The following SPIB variants were observed in gnomAD, a reference collection of about 807,000 sequenced individuals.
SPIB encodes the protein transcription factor Spi-B.
In SPIB, 7 loss-of-function variants were observed where a neutral mutation model predicts 31.9. The ratio of observed to expected loss-of-function variants is 0.22; its 90% confidence interval spans 0.12 to 0.41. The LOEUF (loss-of-function observed/expected upper bound fraction) is 0.41. Ranked by LOEUF, SPIB falls within the 10% of genes least tolerant of loss-of-function variation. SPIB has a pLI of 1.00. For synonymous variants in SPIB, 176 were observed against 158.9 expected, an observed-to-expected ratio of 1.11 and a Z score of -0.81; for missense variants, 327 against 360.2, an observed-to-expected ratio of 0.91 and a Z score of 0.75.
rs1212424975 is a variant in SPIB, at chr19:50,428,021, C to G, written c.491-17C>G. 6.7e-7 allele frequency: 1 copy of G among 1,494,426 alleles called. No individual in the cohort carries two copies. The highest frequency in any genetic ancestry group is 2.2e-5 in the Admixed American group (1 of 45,484). The allele number at this position is 1,494,426 out of a possible 1,614,324, so 92.6% of individuals were successfully genotyped here. Reference sequence around the variant, plus strand: ...TAGGGACCCCTCACCTAACGCGTGCCCCCGACCCCACCGCAGGGACTCGCA... The same window carrying G: ...TAGGGACCCCTCACCTAACGCGTGCGCCCGACCCCACCGCAGGGACTCGCA... On this transcript the variant is annotated splice_polypyrimidine_tract_variant and intron_variant, in intron 5 of 5. Transcript: ENST00000595883. The surrounding 1 kb of genome is among the most constrained non-coding windows in gnomAD (Gnocchi z 6.5).
intron 5 of SPIB, among the ~76,000 whole-genome samples, chr19:50,425,483 C>G (rs912225278): frequency 6.6e-6 from 1 of 152,348 alleles, no homozygotes; most frequent in South Asian, 2.1e-4. Context: ...ATCTGTCACC[C>G]AGGCTGAAGC....
chr19:50,420,528 A>G (rs934297390), intron 2 of SPIB, among the ~76,000 whole-genome samples: 1 of 152,242 alleles, frequency 6.6e-6, no homozygotes, highest in Non-Finnish European at 1.5e-5. Context: ...CAAGATACCG[A>G]ACATTTCAAT....
intron 2 of SPIB, among the ~76,000 whole-genome samples, chr19:50,420,917 C>T (rs1041062595): frequency 1.2e-4 from 19 of 152,224 alleles, no homozygotes; most frequent in Non-Finnish European, 2.8e-4. Flanking sequence ...CGTGAGCCAC[C>T]GCACCCAGCT....
intron 5 of SPIB, among the ~76,000 whole-genome samples, chr19:50,427,579 G>A (rs1601269490): frequency 6.6e-6 from 1 of 152,178 alleles, no homozygotes; most frequent in South Asian, 2.1e-4. Context: ...CCTCTCCCGG[G>A]ACCCTGTCCC....
chr19:50,424,361 C>T (rs973358320), intron 5 of SPIB, among the ~76,000 whole-genome samples: 8 of 152,208 alleles, frequency 5.3e-5, no homozygotes, highest in Admixed American at 5.2e-4. Flanking sequence ...AAAATCAACA[C>T]ACAGGCTGGG....
intron 3 of SPIB, 70 bp downstream of exon 3, chr19:50,422,615 G>A: frequency 6.5e-7 from 1 of 1,536,190 alleles, no homozygotes; most frequent in Non-Finnish European, 8.9e-7. Flanking sequence ...CTGAGGCCCA[G>A]GGGAGGTCAT....
chr19:50,427,396 A>T (rs2039578057), intron 5 of SPIB, among the ~76,000 whole-genome samples: 1 of 152,188 alleles, frequency 6.6e-6, no homozygotes, highest in South Asian at 2.1e-4. Flanking sequence ...ATGGTGGCAG[A>T]CGTCTGTAGT....
chr19:50,422,083 T>C (rs2039502679), intron 2 of SPIB, among the ~76,000 whole-genome samples: 3 of 152,172 alleles, frequency 2.0e-5, no homozygotes. Flanking sequence ...GACCCCTGCC[T>C]CTGTTAAGTG....
intron 5 of SPIB, among the ~76,000 whole-genome samples, chr19:50,424,919 A>G (rs564815104): frequency 7.2e-5 from 11 of 151,892 alleles, no homozygotes; most frequent in Non-Finnish European, 1.6e-4. Context: ...AGATTGCACC[A>G]CTGGACTCCA....
intron 5 of SPIB, among the ~76,000 whole-genome samples, chr19:50,425,284 C>T (rs935216385): frequency 6.6e-6 from 1 of 152,114 alleles, no homozygotes; most frequent in African/African-American, 2.4e-5. Flanking sequence ...GGATTACAGG[C>T]GTGAGCCACT....
At chr19:50,424,067 TCAC>T (rs2039535544) in intron 5 of SPIB, among the ~76,000 whole-genome samples, 1 of 152,090 alleles carries the variant, frequency 6.6e-6, no homozygotes, top group Non-Finnish European at 1.5e-5. Context: ...GTCAACCTCT[TCAC>T]CATCATTCCC....
At chr19:50,423,507 G>C (rs2039526168) in intron 4 of SPIB, 98 bp from the exon 5 acceptor site, 4 of 1,499,238 alleles carry the variant, frequency 2.7e-6, no homozygotes, top group Middle Eastern at 1.8e-4. Context: ...AACAAAGAGG[G>C]AGACCAGAGC....
chr19:50,420,768 C>G (rs1242022802), intron 2 of SPIB, among the ~76,000 whole-genome samples: 1 of 152,194 alleles, frequency 6.6e-6, no homozygotes, highest in African/African-American at 2.4e-5. Flanking sequence ...GCTGGGATTA[C>G]AGGCATGTGC....
chr19:50,427,501 G>T (rs2039579503), intron 5 of SPIB, among the ~76,000 whole-genome samples: 1 of 152,208 alleles, frequency 6.6e-6, no homozygotes, highest in East Asian at 1.9e-4. Flanking sequence ...CTCCAGCCTG[G>T]GCCGCAGAGC....
rs915262433 is a variant in SPIB, at chr19:50,419,852, C to T, written c.24-94C>T. 3 of 1,354,790 alleles carry T rather than the reference C, an allele frequency of 2.2e-6. No individual in the cohort carries two copies. In the African/African-American group the frequency reaches 4.6e-5, roughly 21 times the overall value. 83.9% of individuals were successfully genotyped at this position (1,354,790 alleles called of 1,614,324 possible). A position where few individuals can be genotyped will look rare whatever the true frequency, so the allele number is the denominator to read the frequency against. On this transcript the variant is annotated intron_variant, in intron 1 of 5. Coordinates refer to ENST00000595883, the MANE Select transcript of SPIB (RefSeq NM_003121.5). ...CCCTCACACAGGGCTGCGGTGGTCA[C>T]AGCTGCTGCCGCCTCCCCATCAGCC...
At chr19:50,424,809 A>C (rs2039545178) in intron 5 of SPIB, among the ~76,000 whole-genome samples, 1 of 149,878 alleles carries the variant, frequency 6.7e-6, no homozygotes, top group Non-Finnish European at 1.5e-5. Context: ...AGAAAAAAAA[A>C]TTAATGGGGC....
chr19:50,422,965 C>G lies in SPIB; in HGVS notation c.267C>G (p.Leu89=). ...CCACCTACAGCCCTGCAGGGAACCT[C>G]GAACTGGCCCCCAGCCTGGAGGCCC... ...EPPTYSPAGN[L]ELAPSLEAPG... Residue 89 remains leucine, a synonymous_variant, in exon 4 of 6, where the codon CTC becomes CTG. Transcript: ENST00000595883. 2 of 1,585,228 alleles carry G rather than the reference C, an allele frequency of 1.3e-6. No homozygotes were observed. The highest frequency in any genetic ancestry group is 1.7e-4 in the Middle Eastern group (1 of 5,816).
At chr19:50,419,657 T>C (rs2039463114) in intron 1 of SPIB, among the ~76,000 whole-genome samples, 1 of 152,024 alleles carries the variant, frequency 6.6e-6, no homozygotes, top group African/African-American at 2.4e-5. Flanking sequence ...CCCCTCTCCA[T>C]CCCCACACCT....
chr19:50,420,560 C>A (rs934805099), intron 2 of SPIB, among the ~76,000 whole-genome samples: 3 of 152,238 alleles, frequency 2.0e-5, no homozygotes, highest in East Asian at 1.9e-4. Context: ...TCCTTCCTGT[C>A]CCTTCTCAGT....
Sources: allele counts gnomAD v4.1 joint callset (sites outside exome capture counted in the v4.1 genomes callset), GRCh38; gene constraint gnomAD v4.1.1; non-coding constraint Gnocchi (gnomAD v3.1); transcripts MANE v1.5; gene names NCBI Gene and HGNC (gene_info 2026-07-23, HGNC 2026-07-21).